Variants in ERBB4 observed in about 807,000 individuals in gnomAD.
The protein encoded by ERBB4 is erb-b2 receptor tyrosine kinase 4.
Under a neutral mutation model 158.0 loss-of-function variants are expected in ERBB4, and 42 were observed. That is an observed-to-expected ratio of 0.27 (90% confidence interval 0.21 to 0.34). ERBB4 has a LOEUF of 0.34. ERBB4 is among the 10% of genes least tolerant of loss of function. The pLI is 1.00. For synonymous variants in ERBB4, 583 were observed against 558.7 expected, an observed-to-expected ratio of 1.04 and a Z score of -0.61; for missense variants, 1,333 against 1,624.1, an observed-to-expected ratio of 0.82 and a Z score of 3.08.
intron 1 of ERBB4, among the ~76,000 whole-genome samples, chr2:212,341,112 T>A (rs947469214): frequency 1.3e-5 from 2 of 151,940 alleles, no homozygotes; most frequent in African/African-American, 4.8e-5. Flanking sequence ...GACAAAGAGC[T>A]GAAAATAAAT....
At chr2:212,470,824 G>A (rs1689081360) in intron 1 of ERBB4, among the ~76,000 whole-genome samples, 1 of 152,018 alleles carries the variant, frequency 6.6e-6, no homozygotes, top group Admixed American at 6.6e-5. Context: ...TTTTATTGTG[G>A]TCTTTTCCTA....
At chr2:211,634,735 T>C (rs2070292979) in intron 16 of ERBB4, among the ~76,000 whole-genome samples, 1 of 152,110 alleles carries the variant, frequency 6.6e-6, no homozygotes. Flanking sequence ...TGGAGTGCAG[T>C]GGTGTGATCT....
chr2:211,756,149 C>G (rs916934778), intron 4 of ERBB4, among the ~76,000 whole-genome samples: 1 of 152,112 alleles, frequency 6.6e-6, no homozygotes. Flanking sequence ...TGTCACTACC[C>G]TGTCCTCAAG....
intron 1 of ERBB4, among the ~76,000 whole-genome samples, chr2:212,288,600 G>A (rs1262015765): frequency 1.3e-5 from 2 of 152,000 alleles, no homozygotes; most frequent in Non-Finnish European, 2.9e-5. Flanking sequence ...CTGGCTAGCC[G>A]GCTTCTCGCT....
At chr2:211,482,486 A>G (rs1356485880) in intron 20 of ERBB4, among the ~76,000 whole-genome samples, 1 of 152,238 alleles carries the variant, frequency 6.6e-6, no homozygotes, top group Non-Finnish European at 1.5e-5. Context: ...AAGAAAGTTC[A>G]AGAATATCTA....
At chr2:211,969,375 A>C (rs1242104873) in intron 2 of ERBB4, among the ~76,000 whole-genome samples, 1 of 152,048 alleles carries the variant, frequency 6.6e-6, no homozygotes, top group Non-Finnish European at 1.5e-5. Context: ...AGCCTGAAAC[A>C]CTGTACATAA....
At chr2:212,353,185 T>A (rs2089326269) in intron 1 of ERBB4, among the ~76,000 whole-genome samples, 1 of 151,916 alleles carries the variant, frequency 6.6e-6, no homozygotes, top group Non-Finnish European at 1.5e-5. Context: ...ATGCATGTCC[T>A]TAAACTTTAA....
intron 3 of ERBB4, among the ~76,000 whole-genome samples, chr2:211,924,897 C>A (rs563379346): frequency 3.9e-5 from 6 of 152,268 alleles, no homozygotes; most frequent in South Asian, 2.1e-4. Flanking sequence ...CCTCTTCAGG[C>A]TACTTGTACC....
intron 3 of ERBB4, among the ~76,000 whole-genome samples, chr2:211,798,400 C>T (rs2076429054): frequency 6.6e-6 from 1 of 152,046 alleles, no homozygotes; most frequent in South Asian, 2.1e-4. Context: ...TTTGTTTATA[C>T]ATTAGTTCAC....
intron 7 of ERBB4, among the ~76,000 whole-genome samples, chr2:211,714,206 C>A (rs1363886369): frequency 1.3e-5 from 2 of 152,148 alleles, no homozygotes; most frequent in Non-Finnish European, 2.9e-5. Flanking sequence ...AGACAAGGAG[C>A]AGTTTGTTAC....
At chr2:211,769,383 T>A (rs7583068) in intron 4 of ERBB4, among the ~76,000 whole-genome samples, 49,183 of 152,066 alleles carry the variant, frequency 0.32, 8,507 homozygotes, top group African/African-American at 0.43. Flanking sequence ...CTCTGCCTGT[T>A]GTCCATTTCC....
rs923463583 is a variant in ERBB4 at position 212,518,583 on chromosome 2, TA to T, written c.82+19865del. Among the ~76,000 whole-genome samples, 17 of 152,070 alleles carry T rather than the reference TA, an allele frequency of 1.1e-4. No homozygotes were observed. In the East Asian group the frequency reaches 2.5e-3, roughly 22 times the overall value. ...AAGAATCAAATATTTGTGTAAAAAT[TA>T]ACCATTTATGGTACCACAAGCCCCT... On this transcript the variant is annotated intron_variant, in intron 1 of 27. Transcript: ENST00000342788.
chr2:211,761,661 CA>C (rs2075417071), intron 4 of ERBB4, among the ~76,000 whole-genome samples: 1 of 151,970 alleles, frequency 6.6e-6, no homozygotes, highest in Non-Finnish European at 1.5e-5. Flanking sequence ...AAATAAATGT[CA>C]ATTAAATACA....
intron 3 of ERBB4, among the ~76,000 whole-genome samples, chr2:211,860,065 A>G (rs1000453610): frequency 6.6e-6 from 1 of 152,196 alleles, no homozygotes; most frequent in African/African-American, 2.4e-5. Context: ...ATCTCTTGTC[A>G]TTCATTTTAA....
chr2:212,143,507 AT>A (rs2080553967), intron 1 of ERBB4, among the ~76,000 whole-genome samples: 1 of 152,166 alleles, frequency 6.6e-6, no homozygotes, highest in Non-Finnish European at 1.5e-5. Context: ...ATGTTCTAAA[AT>A]TCTTCATGAA....
intron 1 of ERBB4, among the ~76,000 whole-genome samples, chr2:212,274,493 TCAC>T (rs2106127970): frequency 6.6e-6 from 1 of 151,970 alleles, no homozygotes; most frequent in South Asian, 2.1e-4. Context: ...TCACTTAAGC[TCAC>T]CACAATAGCA....
At chr2:212,147,674 G>A (rs894502870) in intron 1 of ERBB4, among the ~76,000 whole-genome samples, 1 of 152,104 alleles carries the variant, frequency 6.6e-6, no homozygotes, top group Non-Finnish European at 1.5e-5. Flanking sequence ...TGTATGTATT[G>A]AAAATCTACT....
rs546366366 is a variant in ERBB4 at position 212,095,852 on chromosome 2, G to A, written c.234+28900C>T. ...CGGGAGGCTGAGGCAGGAGAATGGC[G>A]TAAACCTGGGAGGCGGAGCTTGCAG... On this transcript the variant is annotated intron_variant, in intron 2 of 27. Transcript: ENST00000342788. Among the ~76,000 whole-genome samples the A allele has an allele frequency of 1.4e-4, 21 of 150,448 alleles. No individual in the cohort carries two copies. The East Asian group carries it at 2.2e-3, about 16-fold the overall frequency.
intron 1 of ERBB4, among the ~76,000 whole-genome samples, chr2:212,395,868 C>T (rs2091010907): frequency 1.3e-5 from 2 of 152,046 alleles, no homozygotes; most frequent in Non-Finnish European, 2.9e-5. Context: ...CTGCCTGCCT[C>T]GGCCTCCCAA....
Sources: allele counts gnomAD v4.1 joint callset (sites outside exome capture counted in the v4.1 genomes callset), GRCh38; gene constraint gnomAD v4.1.1; transcripts MANE v1.5; gene names NCBI Gene and HGNC (gene_info 2026-07-23, HGNC 2026-07-21).